The following PRR27 variants were observed in gnomAD, a reference collection of about 807,000 sequenced individuals.
PRR27 encodes the protein proline-rich protein 27.
A neutral mutation model predicts 16.8 loss-of-function variants in PRR27; 12 were observed. The ratio of observed to expected loss-of-function variants is 0.71; its 90% CI spans 0.46 to 1.16. The LOEUF is 1.16. PRR27 is among the 50% of genes most tolerant of loss of function. The pLI, the probability that PRR27 is intolerant of heterozygous loss-of-function variation, is 0.00. For missense variants in PRR27, 277 were observed against 273.3 expected (o/e 1.01, Z -0.10); for synonymous variants, 100 against 98.4 (o/e 1.02, Z -0.10).
intron 1 of PRR27, chr4:70,154,710 G>T (rs772624584): frequency 8.3e-5 from 113 of 1,364,986 alleles, no homozygotes; most frequent in Admixed American, 2.3e-4. Flanking sequence ...ATCCCACGTA[G>T]ATTATCTTAA....
chr4:70,158,670 A>G lies in PRR27; in HGVS notation c.418A>G (p.Thr140Ala). 1 of 1,612,860 alleles carries G rather than the reference A, an allele frequency of 6.2e-7. No homozygotes were observed. Among genetic ancestry groups the G allele is most frequent in the East Asian group, 2.2e-5 (1 of 44,818 alleles). ...AAEPAAAAPL[T>A]ATPVAAEPAA... ...TGAGCCTGCTGCAGCTGCACCTCTT[A>G]CAGCCACACCTGTAGCAGCTGAGCC... The change falls in exon 3 of 5, where the codon ACA (threonine) becomes GCA (alanine). Residue 140 changes from threonine (T) to alanine (A), a missense_variant. Transcript: ENST00000344526.
rs1015593919 is a variant in PRR27, at chr4:70,158,349, C to A, written c.97C>A (p.Pro33Thr). 1.1e-5 allele frequency: 18 copies of A among 1,602,090 alleles called. No homozygotes were observed. Among genetic ancestry groups the A allele is most frequent in the Non-Finnish European group, 1.5e-5 (18 of 1,170,064 alleles). Residue 33 changes from proline (P) to threonine (T), a missense_variant, in exon 3 of 5, where the codon CCA (proline) becomes ACA (threonine). Coordinates refer to ENST00000344526, the MANE Select transcript of PRR27 (RefSeq NM_214711.4). Reference protein sequence around the residue: ...IGEDDNDDGHPLHPSLNIPYG... With the variant: ...IGEDDNDDGHTLHPSLNIPYG... Reference sequence around the variant, plus strand: ...TTAGGATGACAATGACGATGGTCACCCACTTCATCCATCTCTGAATATTCC... The same window carrying A: ...TTAGGATGACAATGACGATGGTCACACACTTCATCCATCTCTGAATATTCC...
At chr4:70,155,974 A>G (rs1016959605) in intron 1 of PRR27, 80 bp from the exon 2 acceptor site, 1 of 912,350 alleles carries the variant, frequency 1.1e-6, no homozygotes. Context: ...AGCTTTGCAA[A>G]TTTTTCAGCA....
In PRR27 at chr4:70,161,568, T is replaced by A; in HGVS notation, c.649-18T>A. 1 of 1,490,448 alleles carries A rather than the reference T, an allele frequency of 6.7e-7. No individual in the cohort carries two copies. Among genetic ancestry groups the A allele is most frequent in the Non-Finnish European group, 9.3e-7 (1 of 1,075,230 alleles). 92.3% of individuals were successfully genotyped at this position (1,490,448 alleles called of 1,614,324 possible). On this transcript the variant is annotated intron_variant, in intron 3 of 4. Transcript: ENST00000344526. The stretch of plus-strand genomic sequence containing the variant: ...ATTTGATTGTTTATGAAAAGATCTT[T>A]TTTTTAATGTTTTCTAGGCAAATCA...
chr4:70,160,253 A>G (rs1470895951), intron 3 of PRR27, among the ~76,000 whole-genome samples: 1 of 152,078 alleles, frequency 6.6e-6, no homozygotes, highest in Non-Finnish European at 1.5e-5. Context: ...TGTGTGCTCA[A>G]TGCTTAGCTC....
rs1294050589 is a variant in PRR27 at position 70,164,467 on chromosome 4, G to A, written c.*1806G>A. 2 of 152,078 alleles carry A rather than the reference G, an allele frequency of 1.3e-5. No homozygotes were observed. The allele number at this position is 152,078 out of a possible 1,614,324, so 9.4% of individuals were successfully genotyped here. A position where few individuals can be genotyped will look rare whatever the true frequency, so the allele number is the denominator to read the frequency against. The stretch of plus-strand genomic sequence containing the variant: ...TCTCAAAAAATGAGAAACTTTCTTA[G>A]ACAGTAAAATTGTTAACTTGAGATG... On this transcript the variant is annotated 3_prime_UTR_variant, in exon 5 of 5. Coordinates refer to ENST00000344526, the MANE Select transcript of PRR27 (RefSeq NM_214711.4).
Position 70,154,409 on chromosome 4 carries a change from G to A in PRR27, c.34G>A (p.Val12Ile), listed in dbSNP as rs1371637818. The change falls in exon 1 of 5, where the codon GTT (valine) becomes ATT (isoleucine). Residue 12 changes from valine to isoleucine, a missense_variant. Transcript: ENST00000344526. ...KLLLWACIVC[V>I]AFARKRRFPF... ...TCTCCTTTGGGCCTGCATTGTATGT[G>A]TTGCTTTTGCAAGGAAGGTAAGTAA... The A allele has an allele frequency of 2.5e-6, 4 of 1,612,980 alleles. No individual in the cohort carries two copies. Among genetic ancestry groups the A allele is most frequent in the Admixed American group, 1.7e-5 (1 of 60,004 alleles).
chr4:70,154,719 A>G, intron 1 of PRR27: 1 of 1,368,784 alleles, frequency 7.3e-7, no homozygotes, highest in Non-Finnish European at 9.6e-7. Context: ...AGATTATCTT[A>G]ACAGAGTTTA....
At chr4:70,161,552 T>C (rs745965034) in intron 3 of PRR27, 34 bp from the exon 4 acceptor site, 8 of 1,375,954 alleles carry the variant, frequency 5.8e-6, no homozygotes, top group Middle Eastern at 1.8e-4. Context: ...CATTTGATTG[T>C]TTATGAAAAG....
rs553589147 is a variant in PRR27, at chr4:70,166,323, T to G, written c.*3662T>G. On this transcript the variant is annotated 3_prime_UTR_variant, in exon 5 of 5. Transcript: ENST00000344526. ...CTTTGCAAGTAGCCTGAATAAAACT[T>G]TTCATTATTTATATTATCACATGCA... 3.9e-5 allele frequency: 6 copies of G among 152,202 alleles called. No homozygotes were observed. In the South Asian group the frequency reaches 1.2e-3, roughly 32 times the overall value. 9.4% of individuals were successfully genotyped at this position (152,202 alleles called of 1,614,324 possible).
rs72856517 is a variant in PRR27, at chr4:70,154,547, T to C, written c.51+121T>C. The C allele has an allele frequency of 8.0e-3, 7,219 of 902,560 alleles. 118 individuals carry two copies. Among genetic ancestry groups the C allele is most frequent in the African/African-American group, 0.05 (2,968 of 59,904 alleles). The allele number at this position is 902,560 out of a possible 1,614,324, so 55.9% of individuals were successfully genotyped here. A position where few individuals can be genotyped will look rare whatever the true frequency, so the allele number is the denominator to read the frequency against. Reference sequence around the variant, plus strand: ...TAATAAAGCAGCAGAGAGACATAGATGGACATGAGATTTGTAGTGTCAGAC... The same window carrying C: ...TAATAAAGCAGCAGAGAGACATAGACGGACATGAGATTTGTAGTGTCAGAC... On this transcript the variant is annotated intron_variant, in intron 1 of 4. Coordinates refer to ENST00000344526, the MANE Select transcript of PRR27 (RefSeq NM_214711.4).
At position 70,165,379 on chromosome 4, in the gene PRR27, C is replaced by T. The variant is rs1274517405; in HGVS notation, c.*2718C>T. 1 of 152,008 alleles carries T rather than the reference C, an allele frequency of 6.6e-6. No homozygotes were observed. The highest frequency in any genetic ancestry group is 2.4e-5 in the African/African-American group (1 of 41,404). The allele number at this position is 152,008 out of a possible 1,614,324, so 9.4% of individuals were successfully genotyped here. A position where few individuals can be genotyped will look rare whatever the true frequency, so the allele number is the denominator to read the frequency against. Reference sequence around the variant, plus strand: ...CAAAAGAAAACATACATGTAACCACCACCATCTGGAAATTTCACACTAAAT... The same window carrying T: ...CAAAAGAAAACATACATGTAACCACTACCATCTGGAAATTTCACACTAAAT... On this transcript the variant is annotated 3_prime_UTR_variant, in exon 5 of 5. Transcript: ENST00000344526.
Position 70,165,471 on chromosome 4 carries a change from C to A in PRR27, c.*2810C>A, listed in dbSNP as rs918624092. On this transcript the variant is annotated 3_prime_UTR_variant, in exon 5 of 5. Transcript: ENST00000344526. ...TTTATGAATCCACCTTCTTCCTTAT[C>A]TGTAGAGTTAAAAACTACTTAGTGG... 5.9e-5 allele frequency: 9 copies of A among 152,054 alleles called. No individual in the cohort carries two copies. Among genetic ancestry groups the A allele is most frequent in the Admixed American group, 5.2e-4 (8 of 15,254 alleles). The allele number at this position is 152,054 out of a possible 1,614,324, so 9.4% of individuals were successfully genotyped here.
At chr4:70,155,370 GTT>G (rs113912464) in intron 1 of PRR27, among the ~76,000 whole-genome samples, 2 of 143,376 alleles carry the variant, frequency 1.4e-5, no homozygotes, top group Admixed American at 6.9e-5. Context: ...TATGTTTGTG[GTT>G]TTTTTTTTTT....
At chr4:70,158,194 T>C (rs1728534662) in intron 2 of PRR27, 134 bp from the exon 3 acceptor site, 1 of 644,740 alleles carries the variant, frequency 1.6e-6, no homozygotes, top group South Asian at 2.1e-5. Context: ...GGAAGTACAC[T>C]AGACTTAAGA....
chr4:70,160,302 A>T (rs1260590944), intron 3 of PRR27, among the ~76,000 whole-genome samples: 1 of 152,054 alleles, frequency 6.6e-6, no homozygotes, highest in Non-Finnish European at 1.5e-5. Flanking sequence ...AGATCTTTGT[A>T]TCTACATCTT....
intron 3 of PRR27, 45 bp downstream of exon 3, chr4:70,158,945 T>G (rs1728567801): frequency 6.6e-7 from 1 of 1,522,622 alleles, no homozygotes; most frequent in East Asian, 2.3e-5. Context: ...AGAAATGAGA[T>G]TTGTAGAAGG....
chr4:70,158,079 C>A (rs1728531338), intron 2 of PRR27, among the ~76,000 whole-genome samples: 1 of 152,160 alleles, frequency 6.6e-6, no homozygotes, highest in Non-Finnish European at 1.5e-5. Context: ...TTAGCATATT[C>A]TGTGGACTAT....
intron 3 of PRR27, among the ~76,000 whole-genome samples, chr4:70,160,419 CTCT>C (rs1287052921): frequency 2.8e-4 from 18 of 64,542 alleles, no homozygotes; most frequent in Admixed American, 6.9e-4. Flanking sequence ...TTCTCTCTCT[CTCT>C]CTCTCTCTCT....
Sources: gnomAD v4.1 joint callset for allele counts (sites outside exome capture counted in the v4.1 genomes callset) on GRCh38, gnomAD v4.1.1 for gene constraint, MANE v1.5 for transcripts, NCBI Gene and HGNC (gene_info 2026-07-23, HGNC 2026-07-21) for gene names.